Variants in TNFRSF14 observed in about 807,000 individuals in gnomAD.
The protein encoded by TNFRSF14 is TNF receptor superfamily member 14, also known as tumor necrosis factor receptor superfamily member 14.
In TNFRSF14, 18 loss-of-function variants were observed where a neutral mutation model predicts 34.1. That is an observed-to-expected ratio of 0.53 (90% CI 0.36 to 0.78). The LOEUF (loss-of-function observed/expected upper bound fraction) is 0.78, where lower values mean the gene tolerates loss of function less well. Ranked by LOEUF, TNFRSF14 falls within the 30% of genes least tolerant of loss-of-function variation. The pLI, the probability that TNFRSF14 is intolerant of heterozygous loss-of-function variation, is 0.00. For missense variants in TNFRSF14, 352 were observed against 379.5 expected (o/e 0.93, Z 0.60); for synonymous variants, 157 against 153.2 (o/e 1.02, Z -0.18).
At chr1:2,556,931 AC>A in intron 1 of TNFRSF14, 198 bp downstream of exon 1, 2 of 570,330 alleles carry the variant, frequency 3.5e-6, no homozygotes, top group Non-Finnish European at 6.2e-6. Flanking sequence ...CAGCAGAGCC[AC>A]AGCCCTACCC....
chr1:2,563,087 A>C, intron 7 of TNFRSF14, 61 bp from the exon 8 acceptor site: 1 of 1,604,086 alleles, frequency 6.2e-7, no homozygotes, highest in South Asian at 1.1e-5. Context: ...AATGAACCCG[A>C]GAACCTGGAG....
rs779998943 is a variant in TNFRSF14, at chr1:2,559,820, C to T, written c.305-3C>T. Reference sequence around the variant, plus strand: ...CCTCTCAGCCCCTCCTCTTGGACTCCAGCCATGGGCCTGCGCGCGAGCCGG... The same window carrying T: ...CCTCTCAGCCCCTCCTCTTGGACTCTAGCCATGGGCCTGCGCGCGAGCCGG... On this transcript the variant is annotated splice_polypyrimidine_tract_variant and splice_region_variant and intron_variant, in intron 3 of 7. Transcript: ENST00000355716. 1.9e-6 allele frequency: 3 copies of T among 1,605,980 alleles called. No homozygotes were observed. Among genetic ancestry groups the T allele is most frequent in the South Asian group, 1.1e-5 (1 of 89,898 alleles).
rs1257232711 is a variant in TNFRSF14 at position 2,561,860 on chromosome 1, A to G, written c.694+45A>G. On this transcript the variant is annotated intron_variant, in intron 6 of 7. Transcript: ENST00000355716. This position sits in a 1 kb window ranked among gnomAD's most constrained non-coding sequence, Gnocchi z 6.0. ...ATCAGGGCTCATGTCCCCAGCCGTC[A>G]CCTCTTGGAGCTCTGTCACCCCAAG... is the stretch of plus-strand genomic sequence containing the variant. 6.3e-7 allele frequency: 1 copy of G among 1,585,528 alleles called. No individual in the cohort carries two copies.
intron 3 of TNFRSF14, chr1:2,558,845 C>A: frequency 7.6e-7 from 1 of 1,323,868 alleles, no homozygotes; most frequent in South Asian, 1.4e-5. Flanking sequence ...GGGCCTGCTG[C>A]TTCCCCACAG....
At chr1:2,559,291 A>G (rs1267995900) in intron 3 of TNFRSF14, 15 of 1,366,528 alleles carry the variant, frequency 1.1e-5, no homozygotes, top group Non-Finnish European at 1.4e-5. Context: ...GCACCTGTCT[A>G]CTTGGGCTGA....
At chr1:2,556,147 C>T (rs1331295958), upstream of TNFRSF14, 5 of 386,906 alleles carry the variant, frequency 1.3e-5, no homozygotes, top group Non-Finnish European at 2.0e-5. Context: ...GGGAAGTTTA[C>T]CCTGTTCAGC....
chr1:2,562,488 C>CG (rs35647386), intron 6 of TNFRSF14: 1 of 380,130 alleles, frequency 2.6e-6, no homozygotes, highest in Admixed American at 4.4e-5. Context: ...TAGGGTAGGC[C>CG]GGGCAGCAGC....
At chr1:2,562,734 G>A in intron 6 of TNFRSF14, 131 bp from the exon 7 acceptor site, 2 of 1,196,650 alleles carry the variant, frequency 1.7e-6, no homozygotes, top group Non-Finnish European at 2.5e-6. Flanking sequence ...GAGAGGGTCA[G>A]TCCCTTGGGG....
At position 2,561,412 on chromosome 1, in the gene TNFRSF14, C is replaced by A. The variant is rs1644306350; in HGVS notation, c.552-261C>A. 7.3e-7 allele frequency: 1 copy of A among 1,378,090 alleles called. No homozygotes were observed. The highest frequency in any genetic ancestry group is 9.7e-7 in the Non-Finnish European group (1 of 1,028,704). The allele number at this position is 1,378,090 out of a possible 1,614,324, so 85.4% of individuals were successfully genotyped here. A position where few individuals can be genotyped will look rare whatever the true frequency, so the allele number is the denominator to read the frequency against. Reference sequence around the variant, plus strand: ...GCTGGCTGCCTCCCGCTTCTCTCCCCTCTCCCTCTGCCGTCCTGTCTCCTT... The same window carrying A: ...GCTGGCTGCCTCCCGCTTCTCTCCCATCTCCCTCTGCCGTCCTGTCTCCTT... On this transcript the variant is annotated intron_variant, in intron 5 of 7. Transcript: ENST00000355716. This position sits in a 1 kb window ranked among gnomAD's most constrained non-coding sequence, Gnocchi z 6.0.
At chr1:2,563,118 G>A (rs2100864955) in intron 7 of TNFRSF14, 30 bp from the exon 8 acceptor site, 1 of 1,611,810 alleles carries the variant, frequency 6.2e-7, no homozygotes, top group South Asian at 1.1e-5. Context: ...GCCTGAGCAG[G>A]CAGGGTCTCC....
intron 1 of TNFRSF14, chr1:2,557,042 T>C: frequency 2.6e-6 from 1 of 387,832 alleles, no homozygotes; most frequent in Non-Finnish European, 4.7e-6. Flanking sequence ...GGGGGCTGGG[T>C]GTCTCTGGGC....
chr1:2,559,749 T>C (rs756946170), intron 3 of TNFRSF14, 74 bp from the exon 4 acceptor site: 1 of 1,544,970 alleles, frequency 6.5e-7, no homozygotes. Context: ...CCTTGGCCTG[T>C]GGATGCTGTC....
Position 2,561,420 on chromosome 1 carries a change from C to T in TNFRSF14, c.552-253C>T. ...CCTCCCGCTTCTCTCCCCTCTCCCT[C>T]TGCCGTCCTGTCTCCTTTGCCCAGT... On this transcript the variant is annotated intron_variant, in intron 5 of 7. Coordinates refer to ENST00000355716, the MANE Select transcript of TNFRSF14 (RefSeq NM_003820.4). The surrounding 1 kb of genome is among the most constrained non-coding windows in gnomAD (Gnocchi z 6.0). 1 of 1,417,100 alleles carries T rather than the reference C, an allele frequency of 7.1e-7. No homozygotes were observed. Among genetic ancestry groups the T allele is most frequent in the Non-Finnish European group, 9.4e-7 (1 of 1,060,540 alleles). 87.8% of individuals were successfully genotyped at this position (1,417,100 alleles called of 1,614,324 possible).
In TNFRSF14 at chr1:2,561,493, G is replaced by A. The variant is rs1371530572; in HGVS notation, c.552-180G>A. 2.3e-5 allele frequency: 35 copies of A among 1,527,652 alleles called. No homozygotes were observed. Among genetic ancestry groups the A allele is most frequent in the Non-Finnish European group, 2.9e-5 (33 of 1,134,032 alleles). 94.6% of individuals were successfully genotyped at this position (1,527,652 alleles called of 1,614,324 possible). ...CCTTCCTTCTCTCCACCTCCCCATA[G>A]CCGAGCTTGGAAAAGTCAGACAGAC... On this transcript the variant is annotated intron_variant, in intron 5 of 7. Coordinates refer to ENST00000355716, the MANE Select transcript of TNFRSF14 (RefSeq NM_003820.4). The surrounding 1 kb of genome is among the most constrained non-coding windows in gnomAD (Gnocchi z 6.0).
chr1:2,556,116 T>A (rs11573965), upstream of TNFRSF14: 1 of 358,212 alleles, frequency 2.8e-6, no homozygotes, highest in South Asian at 2.3e-5. Flanking sequence ...CCAGACCGCA[T>A]TCTGGTGGTT....
At position 2,561,994 on chromosome 1, in the gene TNFRSF14, C is replaced by G; in HGVS notation, c.694+179C>G. The G allele has an allele frequency of 2.9e-6, 2 of 694,880 alleles. No homozygotes were observed. Among genetic ancestry groups the G allele is most frequent in the Non-Finnish European group, 4.8e-6 (2 of 414,736 alleles). The allele number at this position is 694,880 out of a possible 1,614,324, so 43.0% of individuals were successfully genotyped here. ...GCTGTGGCCAGAGCCCAGGTGTCAG[C>G]TGGCCTCCCTGGGGGAAGGGAAGGT... On this transcript the variant is annotated intron_variant, in intron 6 of 7. Transcript: ENST00000355716. This position sits in a 1 kb window ranked among gnomAD's most constrained non-coding sequence, Gnocchi z 6.0.
Position 2,561,416 on chromosome 1 carries a change from C to T in TNFRSF14, c.552-257C>T. 1 of 1,392,774 alleles carries T rather than the reference C, an allele frequency of 7.2e-7. No homozygotes were observed. The allele number at this position is 1,392,774 out of a possible 1,614,324, so 86.3% of individuals were successfully genotyped here. ...GCTGCCTCCCGCTTCTCTCCCCTCT[C>T]CCTCTGCCGTCCTGTCTCCTTTGCC... On this transcript the variant is annotated intron_variant, in intron 5 of 7. Transcript: ENST00000355716. This position sits in a 1 kb window ranked among gnomAD's most constrained non-coding sequence, Gnocchi z 6.0.
intron 3 of TNFRSF14, 98 bp downstream of exon 3, chr1:2,558,566 C>A (rs1644254482): frequency 6.4e-7 from 1 of 1,572,446 alleles, no homozygotes; most frequent in Non-Finnish European, 8.6e-7. Flanking sequence ...CCCAGGAAGG[C>A]CCCGGCTGCC....
chr1:2,559,032 C>T (rs1490099243), intron 3 of TNFRSF14: 1 of 1,368,892 alleles, frequency 7.3e-7, no homozygotes, highest in African/African-American at 1.4e-5. Flanking sequence ...GCTCTGTCCC[C>T]TTGGAGCCTC....
Sources: allele counts gnomAD v4.1 joint callset, GRCh38; gene constraint gnomAD v4.1.1; non-coding constraint Gnocchi (gnomAD v3.1); transcripts MANE v1.5; gene names NCBI Gene and HGNC (gene_info 2026-07-23, HGNC 2026-07-21).